SNAP91: variants seen among roughly 807,000 people sequenced by gnomAD.
The protein encoded by SNAP91 is synaptosome associated protein 91.
In SNAP91, 27 loss-of-function variants were observed where a neutral mutation model predicts 100.3. The ratio of observed to expected loss-of-function variants is 0.27; its 90% CI spans 0.20 to 0.37. The LOEUF (loss-of-function observed/expected upper bound fraction) is 0.37. SNAP91 is among the 10% of genes least tolerant of loss of function. The probability of loss-of-function intolerance (pLI) is 1.00; values close to 1 mark genes in which losing one functional copy is unlikely to be tolerated. For missense variants in SNAP91, 986 were observed against 1,123.7 expected (o/e 0.88, Z 1.75); for synonymous variants, 404 against 398.6 (o/e 1.01, Z -0.16).
intron 26 of SNAP91, among the ~76,000 whole-genome samples, chr6:83,570,066 T>C (rs1044447856): frequency 2.0e-5 from 3 of 151,670 alleles, no homozygotes; most frequent in Non-Finnish European, 4.4e-5. Context: ...CAGGCAGAGG[T>C]TGGGACAGTT....
Position 83,607,691 on chromosome 6 carries a change from T to C in SNAP91, c.1022+8A>G, listed in dbSNP as rs1490286834. ...AATAAACAGTTAACTGCATATTTAT[T>C]TACCAACCTGACTGGGACAGCCGCA... On this transcript the variant is annotated splice_region_variant and intron_variant, in intron 13 of 29. Transcript: ENST00000369694. 1 of 1,529,234 alleles carries C rather than the reference T, an allele frequency of 6.5e-7. No homozygotes were observed. The highest frequency in any genetic ancestry group is 1.9e-5 in the Admixed American group (1 of 51,302). The allele number at this position is 1,529,234 out of a possible 1,614,324, so 94.7% of individuals were successfully genotyped here.
intron 6 of SNAP91, 131 bp downstream of exon 6, chr6:83,658,868 T>C (rs763654458): frequency 6.9e-5 from 47 of 678,610 alleles, no homozygotes; most frequent in Non-Finnish European, 9.9e-5. Context: ...CTTAACAGCC[T>C]GAACTAAGTA....
intron 8 of SNAP91, among the ~76,000 whole-genome samples, chr6:83,635,108 A>G (rs368116353): frequency 6.6e-6 from 1 of 152,184 alleles, no homozygotes; most frequent in Non-Finnish European, 1.5e-5. Context: ...AAGAACATAC[A>G]TTCTGCGGTT....
At chr6:83,660,227 G>C (rs1181243439) in intron 5 of SNAP91, among the ~76,000 whole-genome samples, 1 of 152,178 alleles carries the variant, frequency 6.6e-6, no homozygotes, top group Non-Finnish European at 1.5e-5. Context: ...ATCAGCAATG[G>C]TTGCATGGTG....
intron 7 of SNAP91, among the ~76,000 whole-genome samples, chr6:83,643,230 T>C (rs1275063480): frequency 6.6e-6 from 1 of 152,226 alleles, no homozygotes; most frequent in Non-Finnish European, 1.5e-5. Context: ...TTTGTTGCCA[T>C]TGCTTTTGGT....
chr6:83,704,985 T>G (rs761982205), intron 2 of SNAP91, among the ~76,000 whole-genome samples: 4 of 152,198 alleles, frequency 2.6e-5, no homozygotes, highest in Non-Finnish European at 5.9e-5. Flanking sequence ...TGTGAATAAA[T>G]TACTGAGGTA....
At position 83,575,897 on chromosome 6, in the gene SNAP91, T is replaced by G. The variant is rs560186940; in HGVS notation, c.2330+126A>C. The G allele has an allele frequency of 3.8e-4, 238 of 621,384 alleles. 1 individual carries two copies. The South Asian group carries it at 4.7e-3, about 12-fold the overall frequency. The allele number at this position is 621,384 out of a possible 1,614,324, so 38.5% of individuals were successfully genotyped here. ...AATCTGGGATGAAATAAACACCAAT[T>G]GTGAAATTATCTGAAATTATCTAGC... On this transcript the variant is annotated intron_variant, in intron 25 of 29. Coordinates refer to ENST00000369694, the MANE Select transcript of SNAP91 (RefSeq NM_001242792.2).
intron 24 of SNAP91, among the ~76,000 whole-genome samples, chr6:83,578,684 C>T (rs1823493915): frequency 6.6e-6 from 1 of 151,910 alleles, no homozygotes; most frequent in East Asian, 1.9e-4. Flanking sequence ...ATGGTTTGTC[C>T]TTTCACTTTC....
intron 7 of SNAP91, among the ~76,000 whole-genome samples, chr6:83,651,864 A>T (rs2098223127): frequency 6.6e-6 from 1 of 151,986 alleles, no homozygotes; most frequent in South Asian, 2.1e-4. Flanking sequence ...CTACCAGTAG[A>T]CTCATCTATT....
chr6:83,594,232 TG>T (rs1358028656), intron 17 of SNAP91, 141 bp downstream of exon 17: 2 of 674,340 alleles, frequency 3.0e-6, no homozygotes, highest in Non-Finnish European at 5.1e-6. Context: ...TTTTAAATGC[TG>T]GCATTATTTA....
rs115829243 is a variant in SNAP91, at chr6:83,614,188, G to C, written c.884+669C>G. On this transcript the variant is annotated intron_variant, in intron 11 of 29. Coordinates refer to ENST00000369694, the MANE Select transcript of SNAP91 (RefSeq NM_001242792.2). ...TCTATCTACATCCTTCAAATAACTT[G>C]AATTACAAAAGATTTATCTTAAATT... Among the ~76,000 whole-genome samples, 221 of 152,156 alleles carry C rather than the reference G, an allele frequency of 1.5e-3. 1 individual carries two copies. Among genetic ancestry groups the C allele is most frequent in the African/African-American group, 5.0e-3 (209 of 41,526 alleles).
chr6:83,669,357 G>GA (rs2098742808), intron 2 of SNAP91, among the ~76,000 whole-genome samples: 4 of 151,706 alleles, frequency 2.6e-5, no homozygotes, highest in African/African-American at 7.3e-5. Flanking sequence ...CAAACACACA[G>GA]AAAAAATTCT....
At chr6:83,645,972 CT>C (rs1454579154) in intron 7 of SNAP91, among the ~76,000 whole-genome samples, 9 of 152,278 alleles carry the variant, frequency 5.9e-5, no homozygotes, top group Non-Finnish European at 8.8e-5. Context: ...TCCTTCACGC[CT>C]TTTCATGGAT....
At chr6:83,680,696 G>C (rs2128909493) in intron 2 of SNAP91, among the ~76,000 whole-genome samples, 1 of 152,156 alleles carries the variant, frequency 6.6e-6, no homozygotes, top group South Asian at 2.1e-4. Context: ...GATATTTTGG[G>C]CCAGAAAATT....
At chr6:83,636,872 G>A (rs1344808787) in intron 8 of SNAP91, among the ~76,000 whole-genome samples, 1 of 152,148 alleles carries the variant, frequency 6.6e-6, no homozygotes, top group Non-Finnish European at 1.5e-5. Context: ...AGGGTTGACT[G>A]TGGTGAATGT....
chr6:83,560,903 C>G lies in SNAP91; in HGVS notation c.2487G>C (p.Gly829=). Residue 829 remains glycine (G), a synonymous_variant, in exon 27 of 30, where the codon GGG becomes GGC. Coordinates refer to ENST00000369694, the MANE Select transcript of SNAP91 (RefSeq NM_001242792.2). ...CTCCAGGTTGTCCAACCGATGGGGC[C>G]CCGGCAACAGGAGGAACTGAACTGG... The part of the protein sequence containing the change: ...PPTSSVPPVA[G]APSVGQPGAG... 1 of 1,613,570 alleles carries G rather than the reference C, an allele frequency of 6.2e-7. No homozygotes were observed. The highest frequency in any genetic ancestry group is 8.5e-7 in the Non-Finnish European group (1 of 1,179,778).
chr6:83,643,800 T>C (rs2097803527), intron 7 of SNAP91, among the ~76,000 whole-genome samples: 1 of 152,118 alleles, frequency 6.6e-6, no homozygotes, highest in African/African-American at 2.4e-5. Context: ...CTGTAGGGTA[T>C]TTAAGGGAAG....
chr6:83,642,178 CT>C (rs1371646340), intron 7 of SNAP91, among the ~76,000 whole-genome samples: 2 of 151,432 alleles, frequency 1.3e-5, no homozygotes, highest in East Asian at 1.9e-4. Flanking sequence ...TTTCAGTATT[CT>C]TTTTTTAATT....
chr6:83,579,143 G>A (rs140690778), intron 24 of SNAP91, among the ~76,000 whole-genome samples: 15 of 152,202 alleles, frequency 9.9e-5, no homozygotes, highest in African/African-American at 3.6e-4. Flanking sequence ...TAGCTTTGTA[G>A]AAGTTTTGAA....
Sources: allele counts gnomAD v4.1 joint callset (sites outside exome capture counted in the v4.1 genomes callset), GRCh38; gene constraint gnomAD v4.1.1; transcripts MANE v1.5; gene names NCBI Gene and HGNC (gene_info 2026-07-23, HGNC 2026-07-21).